RFX6: variants seen among roughly 807,000 people sequenced by gnomAD.
The protein encoded by RFX6 is DNA-binding protein RFX6.
In RFX6, 50 loss-of-function variants were observed where a neutral mutation model predicts 110.8. The ratio of observed to expected loss-of-function variants is 0.45; its 90% CI spans 0.36 to 0.57. The LOEUF is 0.57. Among genes scored for constraint, RFX6 ranks in the 20% least tolerant of loss-of-function variants. RFX6 has a pLI of 0.00. For missense variants in RFX6, 990 were observed against 1,127.0 expected, an observed-to-expected ratio of 0.88 and a Z score of 1.74; for synonymous variants, 383 against 411.2, an observed-to-expected ratio of 0.93 and a Z score of 0.83.
intron 17 of RFX6, among the ~76,000 whole-genome samples, chr6:116,928,396 G>A (rs955487785): frequency 2.6e-5 from 4 of 152,132 alleles, no homozygotes; most frequent in Admixed American, 6.6e-5. Flanking sequence ...TGTGACAGGC[G>A]ATAGTGCTTT....
chr6:116,878,765 G>A (rs1231779484), intron 2 of RFX6, among the ~76,000 whole-genome samples: 1 of 151,744 alleles, frequency 6.6e-6, no homozygotes, highest in Non-Finnish European at 1.5e-5. Flanking sequence ...ACCTAATTTT[G>A]TGTAAAGTAT....
At position 116,925,572 on chromosome 6, in the gene RFX6, C is replaced by T. The variant is rs777985342; in HGVS notation, c.1798C>T (p.Leu600Phe). ...TGAAAGCCACGTGGAGACAACCTAT[C>T]TCCCTCTGCCATCCAGTCAACCTGG... ...KNESHVETTY[L>F]PLPSSQPGGL... The change falls in exon 16 of 19, where the codon CTC becomes TTC. Residue 600 changes from leucine to phenylalanine, a missense_variant. By Grantham distance (22) the Leu-to-Phe change is conservative. Transcript: ENST00000332958. 6.2e-7 allele frequency: 1 copy of T among 1,614,044 alleles called. No homozygotes were observed. The highest frequency in any genetic ancestry group is 1.1e-5 in the South Asian group (1 of 91,080).
At position 116,925,736 on chromosome 6, in the gene RFX6, C is replaced by A. The variant is rs573916416; in HGVS notation, c.1885+77C>A. 3.4e-5 allele frequency: 31 copies of A among 922,082 alleles called. 1 individual carries two copies. Among genetic ancestry groups the A allele is most frequent in the Non-Finnish European group, 5.1e-5 (29 of 572,924 alleles). The allele number at this position is 922,082 out of a possible 1,614,324, so 57.1% of individuals were successfully genotyped here. On this transcript the variant is annotated intron_variant, in intron 16 of 18. Transcript: ENST00000332958. ...GCTTCATTTTTCTTAAAACTCATAA[C>A]TTCCAGTCCAGGAATTCCAACAATA...
At chr6:116,925,308 C>A in intron 15 of RFX6, 145 bp from the exon 16 acceptor site, 1 of 781,244 alleles carries the variant, frequency 1.3e-6, no homozygotes, top group Non-Finnish European at 2.2e-6. Flanking sequence ...GGTCTGCCAA[C>A]CTCACTTCCC....
intron 6 of RFX6, among the ~76,000 whole-genome samples, chr6:116,907,613 C>T (rs374907896): frequency 2.0e-4 from 30 of 152,170 alleles, no homozygotes; most frequent in East Asian, 5.8e-4. Context: ...TCTATCTTTT[C>T]GAATTCACTG....
chr6:116,885,534 C>T (rs1774682694), intron 4 of RFX6, among the ~76,000 whole-genome samples: 1 of 151,968 alleles, frequency 6.6e-6, no homozygotes, highest in Non-Finnish European at 1.5e-5. Flanking sequence ...ATTGGCTTGC[C>T]CAAGGCCACA....
intron 6 of RFX6, among the ~76,000 whole-genome samples, chr6:116,900,108 A>C (rs1363040443): frequency 6.6e-6 from 1 of 152,190 alleles, no homozygotes; most frequent in Non-Finnish European, 1.5e-5. Flanking sequence ...AATTATTGGG[A>C]AGTTGGTGAA....
intron 5 of RFX6, 50 bp from the exon 6 acceptor site, chr6:116,895,130 T>C: frequency 2.0e-6 from 2 of 981,700 alleles, no homozygotes; most frequent in Non-Finnish European, 1.7e-6. Context: ...CATTGAATGC[T>C]ATAGCTGTAA....
chr6:116,892,634 G>A (rs1774857084), intron 4 of RFX6, among the ~76,000 whole-genome samples: 1 of 152,132 alleles, frequency 6.6e-6, no homozygotes, highest in South Asian at 2.1e-4. Flanking sequence ...GGGTGAAAGT[G>A]GGTCTTTCCC....
intron 6 of RFX6, among the ~76,000 whole-genome samples, chr6:116,903,578 A>C (rs1775124499): frequency 6.6e-6 from 1 of 152,030 alleles, no homozygotes; most frequent in Admixed American, 6.6e-5. Context: ...ACTCATCAGA[A>C]GTTACCACTC....
rs1775687788 is a variant in RFX6 at position 116,925,374 on chromosome 6, C to T, written c.1679-79C>T. 5 of 1,164,452 alleles carry T rather than the reference C, an allele frequency of 4.3e-6. No homozygotes were observed. The South Asian group carries it at 4.9e-5, about 11-fold the overall frequency. 72.1% of individuals were successfully genotyped at this position (1,164,452 alleles called of 1,614,324 possible). A position where few individuals can be genotyped will look rare whatever the true frequency, so the allele number is the denominator to read the frequency against. On this transcript the variant is annotated intron_variant, in intron 15 of 18. Transcript: ENST00000332958. ...TAAATACTCAACAATGAAACATTTT[C>T]ATTTTCTTTTTACTTGGGTTTATCT...
At chr6:116,882,559 T>C in intron 4 of RFX6, 131 bp downstream of exon 4, 1 of 618,272 alleles carries the variant, frequency 1.6e-6, no homozygotes, top group Non-Finnish European at 2.8e-6. Context: ...TTTTATCAAC[T>C]GTGAGAACTG....
At chr6:116,895,029 G>C (rs1403696730) in intron 5 of RFX6, 151 bp from the exon 6 acceptor site, 2 of 526,358 alleles carry the variant, frequency 3.8e-6, no homozygotes, top group African/African-American at 1.9e-5. Flanking sequence ...AGTTGAGAAA[G>C]ATGCTTGATT....
rs1582538689 is a variant in RFX6, at chr6:116,927,067, A to G, written c.1926A>G (p.Thr642=). The G allele has an allele frequency of 6.2e-7, 1 of 1,614,070 alleles. No homozygotes were observed. The highest frequency in any genetic ancestry group is 8.5e-7 in the Non-Finnish European group (1 of 1,179,920). Residue 642 remains threonine (T), a synonymous_variant, in exon 17 of 19, where the codon ACA becomes ACG. Coordinates refer to ENST00000332958, the MANE Select transcript of RFX6 (RefSeq NM_173560.4). ...ELSQIAGHLM[T]PPISPAMASR... is the part of the protein sequence containing the mutation. ...CACAGATTGCTGGTCATCTGATGAC[A>G]CCACCCATTTCTCCAGCCATGGCAA...
Position 116,877,778 on chromosome 6 carries a change from C to T in RFX6, c.224-18C>T. 1 of 1,612,576 alleles carries T rather than the reference C, an allele frequency of 6.2e-7. No individual in the cohort carries two copies. The highest frequency in any genetic ancestry group is 8.5e-7 in the Non-Finnish European group (1 of 1,178,940). On this transcript the variant is annotated intron_variant, in intron 1 of 18. Coordinates refer to ENST00000332958, the MANE Select transcript of RFX6 (RefSeq NM_173560.4). The stretch of plus-strand genomic sequence containing the variant: ...TTATATTCTATTTTTCTTTATCATC[C>T]CTTCAACTGGCAATCAGAAATGCAC...
At chr6:116,892,330 T>G (rs1304035621) in intron 4 of RFX6, among the ~76,000 whole-genome samples, 2 of 152,140 alleles carry the variant, frequency 1.3e-5, no homozygotes, top group African/African-American at 4.8e-5. Context: ...TGTCCTCCCA[T>G]GAGGCAGGGA....
In RFX6 at chr6:116,877,481, C is replaced by CG; in HGVS notation, c.211dup (p.Ala71GlyfsTer12). The CG allele has an allele frequency of 1.9e-6, 3 of 1,559,438 alleles. No individual in the cohort carries two copies. Among genetic ancestry groups the CG allele is most frequent in the Non-Finnish European group, 2.6e-6 (3 of 1,151,236 alleles). ...GAGAAAGGCGAAGACCCGGAGCTGC[C>CG]GGGGGCAGTGAAATCAGGTGAGTGC... On this transcript the variant is annotated frameshift_variant, in exon 1 of 19. Transcript: ENST00000332958. LOFTEE classifies it high-confidence loss of function.
In RFX6 at chr6:116,927,343, G is replaced by T. The variant is rs370881491; in HGVS notation, c.2202G>T (p.Gln734His). The change falls in exon 17 of 19, where the codon CAG becomes CAT. Residue 734 changes from glutamine (Q) to histidine (H), a missense_variant. By Grantham distance (24) the Gln-to-His change is conservative. Coordinates refer to ENST00000332958, the MANE Select transcript of RFX6 (RefSeq NM_173560.4). ...HGRCMAWTEQ[Q>H]LSRDFFSGSC... ...GATGCATGGCTTGGACTGAACAGCA[G>T]CTTTCAAGAGACTTCTTCAGTGGCA... is the stretch of plus-strand genomic sequence containing the variant. 1.9e-6 allele frequency: 3 copies of T among 1,613,958 alleles called. No individual in the cohort carries two copies. Among genetic ancestry groups the T allele is most frequent in the Non-Finnish European group, 2.5e-6 (3 of 1,179,814 alleles).
intron 6 of RFX6, among the ~76,000 whole-genome samples, chr6:116,896,269 G>T (rs1774942483): frequency 6.6e-6 from 1 of 152,126 alleles, no homozygotes. Flanking sequence ...TATTTCTCAA[G>T]TCTACTTTTT....
Sources: gnomAD v4.1 joint callset for allele counts (sites outside exome capture counted in the v4.1 genomes callset) on GRCh38, gnomAD v4.1.1 for gene constraint, MANE v1.5 for transcripts, NCBI Gene and HGNC (gene_info 2026-07-23, HGNC 2026-07-21) for gene names.